Variants in GALNT7 observed in about 807,000 individuals in gnomAD.
GALNT7 encodes polypeptide N-acetylgalactosaminyltransferase 7.
In GALNT7, 60 loss-of-function variants were observed where a neutral mutation model predicts 82.1. The ratio of observed to expected loss-of-function variants is 0.73; its 90% CI spans 0.59 to 0.91. The LOEUF is 0.91. GALNT7 is among the 40% of genes least tolerant of loss of function. The pLI, the probability that GALNT7 is intolerant of heterozygous loss-of-function variation, is 0.00. For synonymous variants in GALNT7, 243 were observed against 275.1 expected (o/e 0.88, Z 1.15); for missense variants, 660 against 804.2 (o/e 0.82, Z 2.17).
At chr4:173,246,665 T>C (rs1267497374) in intron 1 of GALNT7, among the ~76,000 whole-genome samples, 1 of 152,248 alleles carries the variant, frequency 6.6e-6, no homozygotes, top group African/African-American at 2.4e-5. Flanking sequence ...ACTGACTTTC[T>C]ATAAAGGTTT....
Position 173,248,586 on chromosome 4 carries a change from C to G in GALNT7, c.587+146C>G, listed in dbSNP as rs1734745505. On this transcript the variant is annotated intron_variant, in intron 2 of 11. Coordinates refer to ENST00000265000, the MANE Select transcript of GALNT7 (RefSeq NM_017423.3). ...GAGGATCTTTGAACAGCAAAATGGT[C>G]AGAAGGAGGCAGTCCCTCCATTTAT... 10 of 614,456 alleles carry G rather than the reference C, an allele frequency of 1.6e-5. No individual in the cohort carries two copies. In the South Asian group the frequency reaches 2.1e-4, roughly 13 times the overall value. The allele number at this position is 614,456 out of a possible 1,614,324, so 38.1% of individuals were successfully genotyped here. A position where few individuals can be genotyped will look rare whatever the true frequency, so the allele number is the denominator to read the frequency against.
chr4:173,290,938 T>G (rs1175316754), intron 2 of GALNT7, among the ~76,000 whole-genome samples: 1 of 152,070 alleles, frequency 6.6e-6, no homozygotes, highest in Non-Finnish European at 1.5e-5. Flanking sequence ...ACAGCAAAGG[T>G]GCCCCTCACC....
chr4:173,269,724 C>T (rs993277909), intron 2 of GALNT7, among the ~76,000 whole-genome samples: 6 of 151,868 alleles, frequency 4.0e-5, no homozygotes, highest in Non-Finnish European at 7.4e-5. Flanking sequence ...TTAATCTTCC[C>T]TCCTCCTCCT....
At chr4:173,309,254 A>G (rs1029857746) in intron 8 of GALNT7, among the ~76,000 whole-genome samples, 11 of 152,146 alleles carry the variant, frequency 7.2e-5, no homozygotes, top group Admixed American at 1.3e-4. Flanking sequence ...AGTTCCTTCT[A>G]TTGATTCTCC....
At position 173,215,770 on chromosome 4, in the gene GALNT7, C is replaced by T. The variant is rs759960118; in HGVS notation, c.127-32210C>T. Among the ~76,000 whole-genome samples, 26 of 152,110 alleles carry T rather than the reference C, an allele frequency of 1.7e-4. 1 individual carries two copies. Among genetic ancestry groups the T allele is most frequent in the Non-Finnish European group, 3.1e-4 (21 of 68,024 alleles). On this transcript the variant is annotated intron_variant, in intron 1 of 11. Transcript: ENST00000265000. ...AACTGTTCCAGTAATTAAGATTGAGCTAGAAAATATGAACTACATTTTTAC... is the reference window on the plus strand; with the variant it reads ...AACTGTTCCAGTAATTAAGATTGAGTTAGAAAATATGAACTACATTTTTAC...
chr4:173,307,737 G>A (rs986187688), intron 8 of GALNT7, among the ~76,000 whole-genome samples: 3 of 152,168 alleles, frequency 2.0e-5, no homozygotes, highest in Non-Finnish European at 2.9e-5. Context: ...TTCTAGTGTC[G>A]GGGCAGGCCC....
intron 1 of GALNT7, among the ~76,000 whole-genome samples, chr4:173,237,458 CA>C (rs1200611235): frequency 6.6e-6 from 1 of 152,064 alleles, no homozygotes; most frequent in Non-Finnish European, 1.5e-5. Context: ...TTTTGCCTTT[CA>C]AAAGGGTATA....
intron 1 of GALNT7, among the ~76,000 whole-genome samples, chr4:173,178,051 G>GCC (rs1732118583): frequency 9.5e-6 from 1 of 105,014 alleles, no homozygotes; most frequent in Admixed American, 8.8e-5. Flanking sequence ...GTGTGTGTGT[G>GCC]TGCGCGCACG....
At position 173,317,629 on chromosome 4, in the gene GALNT7, T is replaced by C; in HGVS notation, c.1609-5T>C. On this transcript the variant is annotated splice_region_variant and splice_polypyrimidine_tract_variant and intron_variant, in intron 9 of 11. Transcript: ENST00000265000. ...TGCTTTTTGCGTCTTTATTCATTTT[T>C]TTAGATCAGAGGCTTCGAAACTGCT... is the stretch of plus-strand genomic sequence containing the variant. 1.3e-6 allele frequency: 2 copies of C among 1,589,560 alleles called. No homozygotes were observed. Among genetic ancestry groups the C allele is most frequent in the Non-Finnish European group, 1.7e-6 (2 of 1,158,582 alleles).
At chr4:173,183,226 T>C (rs1732326988) in intron 1 of GALNT7, among the ~76,000 whole-genome samples, 1 of 151,932 alleles carries the variant, frequency 6.6e-6, no homozygotes. Flanking sequence ...AAAAAAAATG[T>C]GTTCTCTGTG....
intron 2 of GALNT7, among the ~76,000 whole-genome samples, chr4:173,275,670 T>C (rs1735880790): frequency 6.6e-6 from 1 of 152,176 alleles, no homozygotes. Flanking sequence ...GCTGTTCTGC[T>C]AACAATGGTC....
intron 2 of GALNT7, among the ~76,000 whole-genome samples, chr4:173,264,096 A>G (rs1285202784): frequency 1.3e-5 from 2 of 152,200 alleles, no homozygotes; most frequent in African/African-American, 2.4e-5. Flanking sequence ...GGAAAATAAT[A>G]TACCAACCTG....
chr4:173,252,104 A>T (rs1157229254), intron 2 of GALNT7, among the ~76,000 whole-genome samples: 1 of 152,212 alleles, frequency 6.6e-6, no homozygotes, highest in Non-Finnish European at 1.5e-5. Context: ...ATAATAACCA[A>T]CCATGAATAA....
intron 2 of GALNT7, among the ~76,000 whole-genome samples, chr4:173,289,446 G>A (rs1736458919): frequency 6.6e-6 from 1 of 152,170 alleles, no homozygotes; most frequent in Non-Finnish European, 1.5e-5. Flanking sequence ...CAGCAGAGAG[G>A]GGAGTCCGAG....
chr4:173,203,921 A>T (rs761081866), intron 1 of GALNT7, among the ~76,000 whole-genome samples: 1 of 152,222 alleles, frequency 6.6e-6, no homozygotes, highest in Admixed American at 6.5e-5. Context: ...TACTTTTACC[A>T]GTAAGTTTTA....
chr4:173,194,735 A>C (rs1213267057), intron 1 of GALNT7, among the ~76,000 whole-genome samples: 1 of 152,208 alleles, frequency 6.6e-6, no homozygotes, highest in African/African-American at 2.4e-5. Context: ...GGTGTGCTGC[A>C]CCCATTAACT....
Position 173,192,534 on chromosome 4 carries a change from TG to T in GALNT7, c.126+23574del, listed in dbSNP as rs1732657744. 2.0e-5 allele frequency among the ~76,000 whole-genome samples: 3 copies of T among 152,182 alleles called. No homozygotes were observed. In the South Asian group the frequency reaches 6.2e-4, roughly 32 times the overall value. ...GAGAGGTATCAGAATCACCAAACAA[TG>T]AAAGATGCCCAAGCTGCCATGCCAC... is the stretch of plus-strand genomic sequence containing the variant. On this transcript the variant is annotated intron_variant, in intron 1 of 11. Coordinates refer to ENST00000265000, the MANE Select transcript of GALNT7 (RefSeq NM_017423.3).
chr4:173,321,593 T>A lies in GALNT7; in HGVS notation c.1850T>A (p.Phe617Tyr). The A allele has an allele frequency of 6.2e-7, 1 of 1,612,126 alleles. No individual in the cohort carries two copies. The highest frequency in any genetic ancestry group is 8.5e-7 in the Non-Finnish European group (1 of 1,178,348). Residue 617 changes from phenylalanine (F) to tyrosine (Y), a missense_variant, in exon 12 of 12, where the codon TTT (phenylalanine) becomes TAT (tyrosine). This residue lies in a region of GALNT7 where 527 missense variants were observed against 683.5 expected (regional missense o/e 0.77). Transcript: ENST00000265000. ...EWQYFKNLHR[F>Y]THIPSGKCLD... Reference sequence around the variant, plus strand: ...TGTGTTTTCCAGAACCTGCACAGATTTACTCATATTCCTTCAGGAAAGTGT... The same window carrying A: ...TGTGTTTTCCAGAACCTGCACAGATATACTCATATTCCTTCAGGAAAGTGT...
intron 1 of GALNT7, among the ~76,000 whole-genome samples, chr4:173,235,873 C>T (rs1734208761): frequency 6.6e-6 from 1 of 152,146 alleles, no homozygotes; most frequent in African/African-American, 2.4e-5. Flanking sequence ...CCTTTTCTAA[C>T]TTCCTAAATT....
Sources: allele counts gnomAD v4.1 joint callset (sites outside exome capture counted in the v4.1 genomes callset), GRCh38; gene constraint gnomAD v4.1.1; regional missense constraint gnomAD v4.1.1; transcripts MANE v1.5; gene names NCBI Gene and HGNC (gene_info 2026-07-23, HGNC 2026-07-21).